NAV2: variants seen among roughly 807,000 people sequenced by gnomAD.
The protein encoded by NAV2 is neuron navigator 2, also known as helicase, APC down-regulated 1.
Under a neutral mutation model 223.2 loss-of-function variants are expected in NAV2, and 54 were observed. The ratio of observed to expected loss-of-function variants is 0.24; its 90% CI spans 0.19 to 0.30. The LOEUF (loss-of-function observed/expected upper bound fraction) is 0.30. Ranked by LOEUF, NAV2 falls within the 10% of genes least tolerant of loss-of-function variation. NAV2 has a pLI of 1.00. For synonymous variants in NAV2, 1,279 were observed against 1,239.3 expected (o/e 1.03, Z -0.67); for missense variants, 2,806 against 3,147.5 (o/e 0.89, Z 2.60).
chr11:19,448,916 C>A (rs1851687344), intron 1 of NAV2, among the ~76,000 whole-genome samples: 1 of 152,080 alleles, frequency 6.6e-6, no homozygotes, highest in South Asian at 2.1e-4. Flanking sequence ...AGAGTGATTG[C>A]TAAGGAAATA....
chr11:19,668,122 G>A (rs2048469334), intron 1 of NAV2, among the ~76,000 whole-genome samples: 2 of 152,208 alleles, frequency 1.3e-5, no homozygotes, highest in Admixed American at 1.3e-4. Context: ...ACAGAGGAAG[G>A]AGAGAATCTG....
rs546847966 is a variant in NAV2 at position 20,060,492 on chromosome 11, A to G, written c.4832-1815A>G. ...TGGGCATGAGTCAGATTAGTCATGG[A>G]TGAAGAAAGCACGGAGGAAAAGATC... On this transcript the variant is annotated intron_variant, in intron 19 of 37. Transcript: ENST00000349880. Among the ~76,000 whole-genome samples, 3 of 152,378 alleles carry G rather than the reference A, an allele frequency of 2.0e-5. No homozygotes were observed. In the South Asian group the frequency reaches 6.2e-4, roughly 32 times the overall value.
Position 19,933,536 on chromosome 11 carries a change from A to G in NAV2, c.1292A>G (p.Glu431Gly), listed in dbSNP as rs1168523851. The G allele has an allele frequency of 3.1e-6, 5 of 1,610,078 alleles. No individual in the cohort carries two copies. The highest frequency in any genetic ancestry group is 4.2e-6 in the Non-Finnish European group (5 of 1,178,012). Residue 431 changes from glutamate (E) to glycine (G), a missense_variant, in exon 7 of 38, where the codon GAG becomes GGG. Glu to Gly is a moderately conservative substitution (Grantham distance 98). Coordinates refer to ENST00000349880, the MANE Select transcript of NAV2 (RefSeq NM_145117.5). The surrounding 1 kb of genome is among the most constrained non-coding windows in gnomAD (Gnocchi z 4.3). ...GSRDTSCERL[E>G]TLPSFEESEE... Reference sequence around the variant, plus strand: ...CGGGACACAAGCTGTGAGCGGCTGGAGACTCTGCCCAGCTTCGAAGAGAGC... The same window carrying G: ...CGGGACACAAGCTGTGAGCGGCTGGGGACTCTGCCCAGCTTCGAAGAGAGC...
intron 1 of NAV2, among the ~76,000 whole-genome samples, chr11:19,673,493 C>T (rs1337526368): frequency 6.6e-6 from 1 of 152,228 alleles, no homozygotes; most frequent in Non-Finnish European, 1.5e-5. Context: ...TGATTCCAAA[C>T]CTCTCCTCTC....
In NAV2 at chr11:20,068,348, G is replaced by A. The variant is rs2059180897; in HGVS notation, c.4933G>A (p.Asp1645Asn). 1.2e-6 allele frequency: 2 copies of A among 1,614,168 alleles called. No individual in the cohort carries two copies. Among genetic ancestry groups the A allele is most frequent in the Non-Finnish European group, 1.7e-6 (2 of 1,180,012 alleles). The change falls in exon 22 of 38, where the codon GAT (aspartate) becomes AAT (asparagine). Residue 1645 changes from aspartate (D) to asparagine (N), a missense_variant. Transcript: ENST00000349880. Reference protein sequence around the residue: ...SEIRKLRRELDASQEKVSALT... With the variant: ...SEIRKLRRELNASQEKVSALT... ...GATTCGCAAGCTGCGGCGGGAACTG[G>A]ATGCCTCCCAGGAGAAAGTTTCAGC...
At position 19,430,148 on chromosome 11, in the gene NAV2, C is replaced by T. The variant is rs148353502; in HGVS notation, c.75+79121C>T. Among the ~76,000 whole-genome samples the T allele has an allele frequency of 2.2e-4, 33 of 152,288 alleles. 1 individual carries two copies. The East Asian group carries it at 3.9e-3, about 18-fold the overall frequency. On this transcript the variant is annotated intron_variant, in intron 1 of 37. Coordinates refer to the NAV2 transcript ENST00000360655. ...TTACCCACCTGTCCCCTTACCCCCA[C>T]CCCTCTCAGTTCTGGCTCCCTAGGG...
At chr11:19,394,264 C>T (rs898544367) in intron 1 of NAV2, among the ~76,000 whole-genome samples, 1 of 152,110 alleles carries the variant, frequency 6.6e-6, no homozygotes, top group African/African-American at 2.4e-5. Flanking sequence ...GGGTATTTCC[C>T]AGTTTCTTTC....
chr11:19,680,292 C>T (rs73426628), intron 1 of NAV2, among the ~76,000 whole-genome samples: 136 of 152,324 alleles, frequency 8.9e-4, no homozygotes, highest in African/African-American at 3.1e-3. Context: ...TCCTGAGCAG[C>T]GTGATCTGCT....
At chr11:19,555,667 C>T (rs11826931) in intron 1 of NAV2, among the ~76,000 whole-genome samples, 2 of 152,044 alleles carry the variant, frequency 1.3e-5, no homozygotes, top group Non-Finnish European at 2.9e-5. Context: ...TTCGGGGACT[C>T]TAGGTTGAAA....
chr11:19,801,036 T>A (rs2058220372), intron 1 of NAV2, among the ~76,000 whole-genome samples: 2 of 152,354 alleles, frequency 1.3e-5, no homozygotes, highest in South Asian at 2.1e-4. Context: ...TAACTTTATT[T>A]TTTTAGGGAG....
chr11:19,548,022 C>T (rs1028255101), intron 1 of NAV2, among the ~76,000 whole-genome samples: 7 of 152,182 alleles, frequency 4.6e-5, no homozygotes. Flanking sequence ...CACACATCAC[C>T]TAGCTGGTGA....
intron 1 of NAV2, among the ~76,000 whole-genome samples, chr11:19,799,831 A>G (rs1380950010): frequency 6.6e-6 from 1 of 152,050 alleles, no homozygotes; most frequent in Non-Finnish European, 1.5e-5. Context: ...CCCCCTTGCT[A>G]TATTCCACAT....
chr11:19,887,902 G>A (rs562106935), intron 5 of NAV2, among the ~76,000 whole-genome samples: 3 of 151,814 alleles, frequency 2.0e-5, no homozygotes, highest in South Asian at 2.1e-4. Context: ...CCTGGGAGGG[G>A]GCATCCTCTG....
chr11:19,347,415 A>G (rs968041128), upstream of NAV2, among the ~76,000 whole-genome samples: 1 of 152,060 alleles, frequency 6.6e-6, no homozygotes, highest in African/African-American at 2.4e-5. Context: ...CCTCCGTCCC[A>G]CCCAACCTCC....
intron 11 of NAV2, among the ~76,000 whole-genome samples, chr11:20,009,801 CAG>C (rs1050061938): frequency 2.6e-5 from 4 of 152,150 alleles, no homozygotes; most frequent in Non-Finnish European, 4.4e-5. Flanking sequence ...CCAATCTTTG[CAG>C]AGACATTCTC....
chr11:19,464,403 G>GA (rs5790074), intron 1 of NAV2, among the ~76,000 whole-genome samples: 87,434 of 152,052 alleles, frequency 0.58, 26,817 homozygotes, highest in Non-Finnish European at 0.7. Flanking sequence ...AAAGAAGTGA[G>GA]AGGGGATACA....
chr11:19,454,720 T>C (rs1851902638), intron 1 of NAV2, among the ~76,000 whole-genome samples: 1 of 152,162 alleles, frequency 6.6e-6, no homozygotes, highest in South Asian at 2.1e-4. Context: ...ATGGGACACG[T>C]AACTGAAAGT....
At chr11:19,702,873 G>GA (rs1179042305) in intron 1 of NAV2, among the ~76,000 whole-genome samples, 22 of 148,062 alleles carry the variant, frequency 1.5e-4, no homozygotes, top group Admixed American at 2.0e-4. Context: ...ATATTTATTT[G>GA]AAAAAAAAGG....
At chr11:20,083,726 G>C (rs1313573753) in intron 26 of NAV2, among the ~76,000 whole-genome samples, 1 of 152,160 alleles carries the variant, frequency 6.6e-6, no homozygotes, top group African/African-American at 2.4e-5. Flanking sequence ...GATAGGGTTA[G>C]AGAAAGAAGT....
Sources: gnomAD v4.1 joint callset for allele counts (sites outside exome capture counted in the v4.1 genomes callset) on GRCh38, gnomAD v4.1.1 for gene constraint, Gnocchi (gnomAD v3.1) non-coding constraint, MANE v1.5 for transcripts, NCBI Gene and HGNC (gene_info 2026-07-23, HGNC 2026-07-21) for gene names.